The following GLB1L2 variants were observed in gnomAD, a reference collection of about 807,000 sequenced individuals.
GLB1L2 encodes galactosidase beta 1 like 2.
A neutral mutation model predicts 84.1 loss-of-function variants in GLB1L2; 68 were observed. That is an observed-to-expected ratio of 0.81 (90% confidence interval 0.67 to 0.99). The LOEUF is 0.99. GLB1L2 is among the 50% of genes least tolerant of loss of function. The pLI is 0.00. For synonymous variants in GLB1L2, 290 were observed against 318.0 expected, an observed-to-expected ratio of 0.91 and a Z score of 0.94; for missense variants, 762 against 805.6, an observed-to-expected ratio of 0.95 and a Z score of 0.66.
rs1337077662 is a variant in GLB1L2 at position 134,339,462 on chromosome 11, C to T, written c.87-3292C>T. 6.6e-6 allele frequency among the ~76,000 whole-genome samples: 1 copy of T among 152,048 alleles called. No individual in the cohort carries two copies. Among genetic ancestry groups the T allele is most frequent in the Non-Finnish European group, 1.5e-5 (1 of 68,008 alleles). ...ATCCTCATTTTCTTGGTGAATCCAT[C>T]CCTTTTAATAAGGTATTGACAACTT... is the stretch of plus-strand genomic sequence containing the variant. On this transcript the variant is annotated intron_variant, in intron 1 of 18. Coordinates refer to ENST00000535456, the MANE Select transcript of GLB1L2 (RefSeq NM_001370461.1). This position sits in a 1 kb window ranked among gnomAD's most constrained non-coding sequence, Gnocchi z 5.7.
At chr11:134,332,486 A>C in intron 1 of GLB1L2, among the ~76,000 whole-genome samples, 1 of 148,246 alleles carries the variant, frequency 6.7e-6, no homozygotes, top group Non-Finnish European at 1.5e-5. Flanking sequence ...GACGCACCCC[A>C]TCGCGGCCCC....
chr11:134,333,510 G>A (rs7950754), intron 1 of GLB1L2, among the ~76,000 whole-genome samples: 100,268 of 152,170 alleles, frequency 0.66, 33,851 homozygotes, highest in African/African-American at 0.79. Context: ...CCTGTTGTTG[G>A]TCAGGGATAC....
intron 3 of GLB1L2, among the ~76,000 whole-genome samples, chr11:134,344,709 C>T (rs530594734): frequency 7.9e-3 from 1,194 of 151,964 alleles, no homozygotes; most frequent in African/African-American, 0.027. Context: ...GGGAGCCGCC[C>T]GACTCTGCAT....
intron 7 of GLB1L2, among the ~76,000 whole-genome samples, chr11:134,362,751 A>T (rs972344664): frequency 1.3e-5 from 2 of 152,184 alleles, no homozygotes; most frequent in African/African-American, 4.8e-5. Context: ...CTCAGGCAGG[A>T]TGGCCCCCGA....
At chr11:134,349,073 T>C (rs1171261361) in intron 5 of GLB1L2, among the ~76,000 whole-genome samples, 1 of 152,238 alleles carries the variant, frequency 6.6e-6, no homozygotes, top group East Asian at 1.9e-4. Flanking sequence ...TCCTTTTCTG[T>C]CTTCCCCAAT....
chr11:134,375,404 C>T lies in GLB1L2; in HGVS notation c.*346C>T. ...TGCCCTTGCACTGGACGTCACAGCCCTGCGAGCATCTGCTGGACTCAGGCG... is the reference window on the plus strand; with the variant it reads ...TGCCCTTGCACTGGACGTCACAGCCTTGCGAGCATCTGCTGGACTCAGGCG... On this transcript the variant is annotated 3_prime_UTR_variant, in exon 19 of 19. Transcript: ENST00000535456. 4.2e-6 allele frequency: 1 copy of T among 240,116 alleles called. No homozygotes were observed. Among genetic ancestry groups the T allele is most frequent in the Non-Finnish European group, 8.0e-6 (1 of 125,368 alleles). 14.9% of individuals were successfully genotyped at this position (240,116 alleles called of 1,614,324 possible). A position where few individuals can be genotyped will look rare whatever the true frequency, so the allele number is the denominator to read the frequency against.
intron 8 of GLB1L2, among the ~76,000 whole-genome samples, chr11:134,365,505 T>G (rs962576926): frequency 2.0e-5 from 3 of 152,242 alleles, no homozygotes; most frequent in Non-Finnish European, 4.4e-5. Context: ...TGCGTCTCTC[T>G]TCTTCTAAGT....
intron 2 of GLB1L2, 38 bp from the exon 3 acceptor site, chr11:134,344,349 T>C: frequency 6.2e-7 from 1 of 1,611,688 alleles, no homozygotes; most frequent in Non-Finnish European, 8.5e-7. Context: ...ATGGAATGAA[T>C]GACATGCTCT....
chr11:134,335,278 G>A (rs184584427), intron 1 of GLB1L2, among the ~76,000 whole-genome samples: 16 of 150,964 alleles, frequency 1.1e-4, no homozygotes, highest in Admixed American at 1.1e-3. Flanking sequence ...CCAAGGGTAT[G>A]TGGCCAAATC....
chr11:134,363,535 C>A (rs915202165), intron 7 of GLB1L2, among the ~76,000 whole-genome samples: 2 of 152,200 alleles, frequency 1.3e-5, no homozygotes, highest in Non-Finnish European at 1.5e-5. Flanking sequence ...ACAGAGCGCA[C>A]CTTTCTTGAG....
At chr11:134,362,348 G>A (rs1289614312) in intron 7 of GLB1L2, among the ~76,000 whole-genome samples, 4 of 129,124 alleles carry the variant, frequency 3.1e-5, no homozygotes, top group Admixed American at 1.5e-4. Flanking sequence ...TTCCTTCCCC[G>A]GCGCTGCCCG....
At chr11:134,371,268 G>C in intron 13 of GLB1L2, 120 bp downstream of exon 13, 1 of 1,352,366 alleles carries the variant, frequency 7.4e-7, no homozygotes, top group Non-Finnish European at 1.1e-6. Flanking sequence ...TTCTGAGTCA[G>C]CTCTGTGAGC....
At chr11:134,364,865 A>G (rs1943846020) in intron 8 of GLB1L2, 1 of 156,614 alleles carries the variant, frequency 6.4e-6, no homozygotes, top group Non-Finnish European at 1.4e-5. Flanking sequence ...ATGTCCCTCA[A>G]TATCTGTCAG....
chr11:134,347,725 C>T (rs544225379), intron 5 of GLB1L2, among the ~76,000 whole-genome samples: 3 of 152,290 alleles, frequency 2.0e-5, no homozygotes, highest in South Asian at 2.1e-4. Flanking sequence ...GCCGGGAACA[C>T]GCATCCACTG....
intron 7 of GLB1L2, among the ~76,000 whole-genome samples, chr11:134,362,316 CCCTTCCCCGGCGCTGCCCGCGTT>C (rs57649720): frequency 0.24 from 36,544 of 150,200 alleles, 4,614 homozygotes; most frequent in African/African-American, 0.32. Flanking sequence ...TGCCCGCGTT[CCCTTCCCCGGCGCTGCCCGCGTT>C]CCTTCCCCGG....
intron 8 of GLB1L2, among the ~76,000 whole-genome samples, chr11:134,365,669 G>A (rs927406246): frequency 1.3e-5 from 2 of 152,158 alleles, no homozygotes; most frequent in African/African-American, 2.4e-5. Context: ...GGGTAGCCAC[G>A]CGCGAGCCTT....
intron 5 of GLB1L2, among the ~76,000 whole-genome samples, chr11:134,348,669 C>T (rs1270296639): frequency 1.3e-5 from 2 of 152,042 alleles, no homozygotes; most frequent in East Asian, 3.8e-4. Context: ...TTGAGTCCAC[C>T]CACACTGTTG....
chr11:134,376,066 G>A lies in GLB1L2; in HGVS notation c.*1008G>A, dbSNP rs1183926790. The stretch of plus-strand genomic sequence containing the variant: ...GCCATGGCCCATGTCTGCACATCCA[G>A]GGAGGAGGACAGAAGGCCCAGCTCA... On this transcript the variant is annotated 3_prime_UTR_variant, in exon 19 of 19. Transcript: ENST00000535456. The A allele has an allele frequency of 9.7e-6, 1 of 102,838 alleles. No homozygotes were observed. The highest frequency in any genetic ancestry group is 2.0e-5 in the Non-Finnish European group (1 of 50,852). 6.4% of individuals were successfully genotyped at this position (102,838 alleles called of 1,614,324 possible).
rs1943333800 is a variant in GLB1L2 at position 134,333,389 on chromosome 11, G to A, written c.86+1242G>A. Among the ~76,000 whole-genome samples the A allele has an allele frequency of 1.3e-5, 2 of 152,222 alleles. 1 individual carries two copies. Among genetic ancestry groups the A allele is most frequent in the Admixed American group, 1.3e-4 (2 of 15,288 alleles). On this transcript the variant is annotated intron_variant, in intron 1 of 18. Transcript: ENST00000535456. Reference sequence around the variant, plus strand: ...ATGCTCAGCTTTCCTCCCTGTGCAAGGCTTACGCAAACCCCAGAAGAATTA... The same window carrying A: ...ATGCTCAGCTTTCCTCCCTGTGCAAAGCTTACGCAAACCCCAGAAGAATTA...
Sources: allele counts gnomAD v4.1 joint callset (sites outside exome capture counted in the v4.1 genomes callset), GRCh38; gene constraint gnomAD v4.1.1; non-coding constraint Gnocchi (gnomAD v3.1); transcripts MANE v1.5; gene names NCBI Gene and HGNC (gene_info 2026-07-23, HGNC 2026-07-21).